Variants in ESYT1 observed in about 807,000 individuals in gnomAD.
The protein encoded by ESYT1 is extended synaptotagmin 1.
Under a neutral mutation model 154.2 loss-of-function variants are expected in ESYT1, and 116 were observed. The observed-to-expected ratio is 0.75, with a 90% confidence interval of 0.65 to 0.88. The LOEUF (loss-of-function observed/expected upper bound fraction) is 0.88. ESYT1 is among the 40% of genes least tolerant of loss of function. The pLI is 0.00. For missense variants in ESYT1, 1,264 were observed against 1,379.3 expected, an observed-to-expected ratio of 0.92 and a Z score of 1.32; for synonymous variants, 500 against 539.9, an observed-to-expected ratio of 0.93 and a Z score of 1.02.
Position 56,143,073 on chromosome 12 carries a change from T to A in ESYT1, c.3044T>A (p.Leu1015Gln). ...PPDPYVSLLL[L>Q]PDKNRGTKRR... ...GATCCCTATGTGTCACTGTTGCTAC[T>A]GCCAGACAAGAACCGAGGCACCAAG... The change falls in exon 28 of 31, where the codon CTG (leucine) becomes CAG (glutamine). Residue 1015 changes from leucine (L) to glutamine (Q), a missense_variant. By Grantham distance (113) the Leu-to-Gln change is moderately radical (BLOSUM62 -2). Transcript: ENST00000394048. 14 of 1,614,194 alleles carry A rather than the reference T, an allele frequency of 8.7e-6. No individual in the cohort carries two copies. The highest frequency in any genetic ancestry group is 1.2e-5 in the Non-Finnish European group (14 of 1,180,030).
chr12:56,141,576 T>G (rs1008559489), intron 24 of ESYT1, among the ~76,000 whole-genome samples: 3 of 151,982 alleles, frequency 2.0e-5, no homozygotes, highest in African/African-American at 7.3e-5. Context: ...CTGTCTCTAT[T>G]AAAAATACAA....
At chr12:56,131,848 G>C (rs1407569329) in intron 7 of ESYT1, 44 bp downstream of exon 7, 12 of 1,599,738 alleles carry the variant, frequency 7.5e-6, no homozygotes, top group Middle Eastern at 1.7e-4. Context: ...TCCAGCGCTG[G>C]GTTGGGGGTT....
intron 24 of ESYT1, among the ~76,000 whole-genome samples, chr12:56,139,581 G>A (rs1054153248): frequency 2.7e-5 from 4 of 145,528 alleles, no homozygotes; most frequent in African/African-American, 1.0e-4. Context: ...TGACCCCTGA[G>A]CTTGAGGGTA....
At position 56,142,821 on chromosome 12, in the gene ESYT1, A is replaced by T. The variant is rs370467269; in HGVS notation, c.2889-14A>T. ...GCTCTAGCTTTCCCCAGACCTACTGATATTTCTCCACAGTCCCCTTGAGGC... is the reference window on the plus strand; with the variant it reads ...GCTCTAGCTTTCCCCAGACCTACTGTTATTTCTCCACAGTCCCCTTGAGGC... On this transcript the variant is annotated splice_polypyrimidine_tract_variant and intron_variant, in intron 26 of 30. Transcript: ENST00000394048. The surrounding 1 kb of genome is among the most constrained non-coding windows in gnomAD (Gnocchi z 4.1). The T allele has an allele frequency of 6.3e-5, 101 of 1,614,052 alleles. No individual in the cohort carries two copies. In the African/African-American group the frequency reaches 1.3e-3, roughly 21 times the overall value.
Position 56,142,581 on chromosome 12 carries a change from C to G in ESYT1, c.2737C>G (p.Leu913Val). Residue 913 changes from leucine to valine, a missense_variant, in exon 26 of 31, where the codon CTG becomes GTG. By Grantham distance (32) the Leu-to-Val change is conservative. Transcript: ENST00000394048. This position sits in a 1 kb window ranked among gnomAD's most constrained non-coding sequence, Gnocchi z 4.1. ...QVLLRAQLGI[L>V]VSQHSGVEAH... ...CTCACAGCTTTCTTGCCCCTAGATC[C>G]TGGTGTCCCAGCACTCGGGAGTGGA... 1 of 1,614,158 alleles carries G rather than the reference C, an allele frequency of 6.2e-7. No individual in the cohort carries two copies. The highest frequency in any genetic ancestry group is 8.5e-7 in the Non-Finnish European group (1 of 1,180,036).
chr12:56,128,274 C>T lies in ESYT1; in HGVS notation c.-46C>T, dbSNP rs766541925. The stretch of plus-strand genomic sequence containing the variant: ...GGAGCTGATCGCAAGACTAGGCAAC[C>T]TCCAGCCAGTCCCTGGGTCGGGCGG... On this transcript the variant is annotated 5_prime_UTR_variant, in exon 1 of 31. Coordinates refer to ENST00000394048, the MANE Select transcript of ESYT1 (RefSeq NM_015292.3). 6.4e-7 allele frequency: 1 copy of T among 1,563,164 alleles called. No homozygotes were observed. The highest frequency in any genetic ancestry group is 1.2e-5 in the South Asian group (1 of 83,618).
At chr12:56,138,343 G>A in intron 21 of ESYT1, 61 bp from the exon 22 acceptor site, 1 of 1,612,456 alleles carries the variant, frequency 6.2e-7, no homozygotes, top group South Asian at 1.1e-5. Flanking sequence ...TAGCGTTCAA[G>A]GCACATGCCA....
rs1870777922 is a variant in ESYT1 at position 56,143,041 on chromosome 12, TC to T, written c.3014del (p.Pro1005LeufsTer29). 6.2e-7 allele frequency: 1 copy of T among 1,614,148 alleles called. No individual in the cohort carries two copies. Among genetic ancestry groups the T allele is most frequent in the Non-Finnish European group, 8.5e-7 (1 of 1,180,022 alleles). On this transcript the variant is annotated frameshift_variant, in exon 28 of 31. Transcript: ENST00000394048. LOFTEE classifies it high-confidence loss of function. Reference protein sequence around the residue: ...CRSLRQNGRDPPDPYVSLLLL... With the variant: ...CRSLRQNGRDXPDPYVSLLLL... ...GGTCCCTTCGACAGAATGGACGTGA[TC>T]CTCCTGATCCCTATGTGTCACTGTT...
chr12:56,139,313 T>C (rs1039473965), intron 24 of ESYT1, among the ~76,000 whole-genome samples: 1 of 152,022 alleles, frequency 6.6e-6, no homozygotes, highest in Non-Finnish European at 1.5e-5. Context: ...AGTTTCACCA[T>C]GTTAGCCAGG....
intron 24 of ESYT1, among the ~76,000 whole-genome samples, chr12:56,140,614 C>T (rs770647259): frequency 9.2e-5 from 14 of 152,282 alleles, no homozygotes; most frequent in East Asian, 3.9e-4. Context: ...TCCACTGCCT[C>T]GGCCTCCCAA....
chr12:56,128,816 G>A (rs766413393), intron 1 of ESYT1, 107 bp downstream of exon 1: 9 of 1,425,064 alleles, frequency 6.3e-6, no homozygotes, highest in Non-Finnish European at 8.6e-6. Context: ...TTGGGACAGT[G>A]GGCCCCAGAC....
intron 24 of ESYT1, among the ~76,000 whole-genome samples, chr12:56,140,330 G>T (rs1870639074): frequency 6.6e-6 from 1 of 152,054 alleles, no homozygotes; most frequent in African/African-American, 2.4e-5. Flanking sequence ...TAGAAATATG[G>T]ATTTTATCCT....
At chr12:56,130,514 G>A in intron 1 of ESYT1, 68 bp from the exon 2 acceptor site, 3 of 1,589,606 alleles carry the variant, frequency 1.9e-6, no homozygotes, top group Non-Finnish European at 2.6e-6. Flanking sequence ...CACACCACCA[G>A]CATCTTAGTA....
rs117567727 is a variant in ESYT1, at chr12:56,141,461, T to C, written c.2593-824T>C. 8.3e-3 allele frequency among the ~76,000 whole-genome samples: 1,256 copies of C among 152,230 alleles called. 7 individuals are homozygous for C. Among genetic ancestry groups the C allele is most frequent in the Non-Finnish European group, 0.012 (810 of 67,974 alleles). ...ACTGGTATAATTTCTGAAAGCTAGG[T>C]TGGGCGCGGTGGCTCACGCCTGTAA... On this transcript the variant is annotated intron_variant, in intron 24 of 30. Transcript: ENST00000394048.
rs149720231 is a variant in ESYT1, at chr12:56,134,384, C to T, written c.1588C>T (p.Arg530Trp). The T allele has an allele frequency of 5.0e-5, 81 of 1,613,986 alleles. No individual in the cohort carries two copies. Among genetic ancestry groups the T allele is most frequent in the Non-Finnish European group, 6.4e-5 (76 of 1,180,016 alleles). The change falls in exon 15 of 31, where the codon CGG becomes TGG. Residue 530 changes from arginine to tryptophan, a missense_variant. Physicochemically the swap from Arg to Trp is moderately radical, Grantham distance 101. Transcript: ENST00000394048. The stretch of plus-strand genomic sequence containing the variant: ...CTGCCCAGTGTGGGAGGAAGCGTTC[C>T]GGTTCTTCCTACAAGACCCTCAAAG... The part of the protein sequence containing the change: ...TNCPVWEEAF[R>W]FFLQDPQSQE...
At chr12:56,137,797 G>C in intron 18 of ESYT1, 35 bp from the exon 19 acceptor site, 1 of 1,611,846 alleles carries the variant, frequency 6.2e-7, no homozygotes, top group Non-Finnish European at 8.5e-7. Flanking sequence ...AGGAAAAGGA[G>C]AGAATCTTTC....
rs1870578223 is a variant in ESYT1, at chr12:56,138,937, A to G, written c.2516A>G (p.Gln839Arg). 1 of 1,614,146 alleles carries G rather than the reference A, an allele frequency of 6.2e-7. No homozygotes were observed. The highest frequency in any genetic ancestry group is 8.5e-7 in the Non-Finnish European group (1 of 1,179,984). ...CCTCATCTCCACCAGACTATTTCGC[A>G]AACTTCAGCCCCTGTCTGGGATGAG... ...DSSHKTKTIS[Q>R]TSAPVWDESA... is the part of the protein sequence containing the mutation. The change falls in exon 24 of 31, where the codon CAA (glutamine) becomes CGA (arginine). Residue 839 changes from glutamine (Q) to arginine (R), a missense_variant. By Grantham distance (43) the Gln-to-Arg change is conservative. Transcript: ENST00000394048.
At position 56,142,145 on chromosome 12, in the gene ESYT1, T is replaced by G. The variant is rs1592250485; in HGVS notation, c.2593-140T>G. On this transcript the variant is annotated intron_variant, in intron 24 of 30. Coordinates refer to ENST00000394048, the MANE Select transcript of ESYT1 (RefSeq NM_015292.3). This position sits in a 1 kb window ranked among gnomAD's most constrained non-coding sequence, Gnocchi z 4.1. ...GGACAGAGGGAGGGACTAGCAACTG[T>G]TACCATGGCTTCCCTGCCTTTCTCA... The G allele has an allele frequency of 4.2e-6, 4 of 949,540 alleles. No individual in the cohort carries two copies. The East Asian group carries it at 9.8e-5, about 23-fold the overall frequency. The allele number at this position is 949,540 out of a possible 1,614,324, so 58.8% of individuals were successfully genotyped here. A position where few individuals can be genotyped will look rare whatever the true frequency, so the allele number is the denominator to read the frequency against.
chr12:56,137,642 A>C lies in ESYT1; in HGVS notation c.2082A>C (p.Glu694Asp). The change falls in exon 18 of 31, where the codon GAA (glutamate) becomes GAC (aspartate). Residue 694 changes from glutamate to aspartate, a missense_variant. Physicochemically the swap from Glu to Asp is conservative, Grantham distance 45 (BLOSUM62 2). Transcript: ENST00000394048. The stretch of plus-strand genomic sequence containing the variant: ...GCTTCCGGAGCCATGTTGTTCGGGA[A>C]GATCTCAATCCCCGCTGGAATGAGG... The part of the protein sequence containing the change: ...GRSFRSHVVR[E>D]DLNPRWNEVF... 6.2e-7 allele frequency: 1 copy of C among 1,614,176 alleles called. No homozygotes were observed. The highest frequency in any genetic ancestry group is 8.5e-7 in the Non-Finnish European group (1 of 1,180,026).
Sources: allele counts gnomAD v4.1 joint callset (sites outside exome capture counted in the v4.1 genomes callset), GRCh38; gene constraint gnomAD v4.1.1; non-coding constraint Gnocchi (gnomAD v3.1); transcripts MANE v1.5; gene names NCBI Gene and HGNC (gene_info 2026-07-23, HGNC 2026-07-21).